The following YIPF6 variants were observed in gnomAD, a reference collection of about 807,000 sequenced individuals.
YIPF6 encodes protein YIPF6.
YIPF6 carries 3 observed loss-of-function variants against 16.8 expected under a neutral mutation model. That is an observed-to-expected ratio of 0.18 (90% confidence interval 0.08 to 0.46). The LOEUF (loss-of-function observed/expected upper bound fraction) is 0.46. YIPF6 is among the 20% of genes least tolerant of loss of function. The pLI is 0.98. For missense variants in YIPF6, 145 were observed against 184.9 expected (o/e 0.78, Z 1.25); for synonymous variants, 67 against 61.9 (o/e 1.08, Z -0.38).
intron 4 of YIPF6, among the ~76,000 whole-genome samples, chrX:68,519,866 A>T (rs1385828345): frequency 8.9e-6 from 1 of 112,041 alleles, no homozygotes; most frequent in African/African-American, 3.2e-5. Flanking sequence ...TAATGCCTTG[A>T]TGGAGGGGTT....
chrX:68,517,814 AAGTT>A (rs2079109236), intron 3 of YIPF6, among the ~76,000 whole-genome samples: 1 of 107,245 alleles, frequency 9.3e-6, no homozygotes, highest in Non-Finnish European at 1.9e-5. Context: ...CAAAAAATAA[AAGTT>A]AGCTGGGTGT....
chrX:68,499,446 C>T (rs986594246), intron 1 of YIPF6, among the ~76,000 whole-genome samples: 6 of 111,724 alleles, frequency 5.4e-5, no homozygotes, highest in Admixed American at 2.9e-4. Context: ...CTTCTGCTGT[C>T]CCCTCATTTT....
chrX:68,499,174 C>A, intron 1 of YIPF6, 51 bp downstream of exon 1: 1 of 1,140,690 alleles, frequency 8.8e-7, no homozygotes, highest in East Asian at 3.4e-5. Flanking sequence ...CAGAGTGCCC[C>A]CTAAAGAAGT....
At chrX:68,517,132 G>T (rs763295174) in intron 3 of YIPF6, among the ~76,000 whole-genome samples, 1 of 108,642 alleles carries the variant, frequency 9.2e-6, no homozygotes, top group African/African-American at 3.3e-5. Flanking sequence ...AAATCACTCA[G>T]CAGCTGTTTT....
intron 5 of YIPF6, 132 bp downstream of exon 5, chrX:68,521,629 A>G: frequency 1.5e-6 from 1 of 673,209 alleles, no homozygotes; most frequent in African/African-American, 2.3e-5. Context: ...GCTCGAGTGC[A>G]TTGGTGTGAT....
intron 1 of YIPF6, among the ~76,000 whole-genome samples, chrX:68,500,080 T>A: frequency 8.9e-6 from 1 of 112,505 alleles, no homozygotes; most frequent in Non-Finnish European, 1.9e-5. Context: ...TTTGTGAGTT[T>A]CGGCAAGTCA....
At chrX:68,519,783 C>G (rs773847771) in intron 4 of YIPF6, among the ~76,000 whole-genome samples, 1 of 111,690 alleles carries the variant, frequency 9.0e-6, no homozygotes, top group East Asian at 2.8e-4. Context: ...TTAAATTGAG[C>G]ATATATTAAT....
chrX:68,512,129 C>T, intron 2 of YIPF6, 152 bp downstream of exon 2: 3 of 662,170 alleles, frequency 4.5e-6, no homozygotes, highest in Non-Finnish European at 6.3e-6. Flanking sequence ...TTTGGTACAG[C>T]CTTTTTGGAG....
chrX:68,512,861 G>A, intron 2 of YIPF6, among the ~76,000 whole-genome samples: 1 of 106,268 alleles, frequency 9.4e-6, no homozygotes, highest in Admixed American at 1.0e-4. Context: ...CTGGCATCTA[G>A]GATTCATTTA....
chrX:68,531,096 G>A (rs930997732), intron 6 of YIPF6, among the ~76,000 whole-genome samples: 1 of 105,216 alleles, frequency 9.5e-6, no homozygotes, highest in Non-Finnish European at 1.9e-5. Flanking sequence ...AGCACCCAGC[G>A]AGAGGAATGA....
At chrX:68,531,151 GTCTTTC>G (rs1569329057) in intron 6 of YIPF6, among the ~76,000 whole-genome samples, 1 of 110,857 alleles carries the variant, frequency 9.0e-6, no homozygotes, top group East Asian at 2.8e-4. Flanking sequence ...TTGAGACTGG[GTCTTTC>G]TCTGTCACCC....
chrX:68,521,249 A>G, intron 4 of YIPF6, 123 bp from the exon 5 acceptor site: 1 of 842,174 alleles, frequency 1.2e-6, no homozygotes, highest in Non-Finnish European at 1.6e-6. Flanking sequence ...CACAACCTAC[A>G]TATTACAGAT....
Position 68,536,410 on chromosome X carries a change from A to G in YIPF6, c.*4411A>G, listed in dbSNP as rs947582184. 1.8e-5 allele frequency: 2 copies of G among 111,846 alleles called. No individual in the cohort carries two copies. Among genetic ancestry groups the G allele is most frequent in the Admixed American group, 9.5e-5 (1 of 10,520 alleles). 9.2% of individuals were successfully genotyped at this position (111,846 alleles called of 1,213,427 possible). ...GTAAATTGCCCACGGTCACACAGTA[A>G]TTTGATTTACAACAGTAATAACACA... On this transcript the variant is annotated 3_prime_UTR_variant, in exon 7 of 7. Transcript: ENST00000462683.
At chrX:68,500,466 C>T (rs892596615) in intron 1 of YIPF6, among the ~76,000 whole-genome samples, 3 of 110,947 alleles carry the variant, frequency 2.7e-5, no homozygotes, top group African/African-American at 9.8e-5. Context: ...CAGGCGCCTG[C>T]CACTACGTCC....
At chrX:68,512,108 C>T in intron 2 of YIPF6, 131 bp downstream of exon 2, 3 of 747,021 alleles carry the variant, frequency 4.0e-6, no homozygotes, top group Non-Finnish European at 5.5e-6. Context: ...ATATTTTATC[C>T]TAGAGATTAA....
Position 68,513,418 on chromosome X carries a change from G to A in YIPF6, c.265+13G>A, listed in dbSNP as rs2079088849. The A allele has an allele frequency of 1.8e-6, 2 of 1,132,736 alleles. No homozygotes were observed. The highest frequency in any genetic ancestry group is 3.8e-5 in the African/African-American group (2 of 52,839). The allele number at this position is 1,132,736 out of a possible 1,213,427, so 93.4% of individuals were successfully genotyped here. ...CTTTTGAGAGATTGTAAGTATATGA[G>A]GTTTTTAAGGGTTTGCTTAATCTAT... On this transcript the variant is annotated intron_variant, in intron 3 of 6. Transcript: ENST00000462683.
At chrX:68,530,381 G>A (rs1232763398) in intron 6 of YIPF6, among the ~76,000 whole-genome samples, 2 of 111,485 alleles carry the variant, frequency 1.8e-5, no homozygotes, top group Non-Finnish European at 3.8e-5. Flanking sequence ...TTTCAAGCCA[G>A]TGGATCTTAG....
At chrX:68,501,672 T>C (rs772902635) in intron 1 of YIPF6, among the ~76,000 whole-genome samples, 8 of 112,171 alleles carry the variant, frequency 7.1e-5, no homozygotes, top group Admixed American at 4.8e-4. Flanking sequence ...TATATATCCA[T>C]TTGTGCTACA....
At chrX:68,504,292 T>C (rs1255765017) in intron 1 of YIPF6, among the ~76,000 whole-genome samples, 2 of 111,364 alleles carry the variant, frequency 1.8e-5, no homozygotes, top group African/African-American at 6.5e-5. Context: ...ATAGTTTTTA[T>C]TGGGGTTTCA....
Sources: gnomAD v4.1 joint callset for allele counts (sites outside exome capture counted in the v4.1 genomes callset) on GRCh38, gnomAD v4.1.1 for gene constraint, MANE v1.5 for transcripts, NCBI Gene and HGNC (gene_info 2026-07-23, HGNC 2026-07-21) for gene names.